RANBP2: variants seen among roughly 807,000 people sequenced by gnomAD.
RANBP2 encodes the protein RAN binding protein 2.
Under a neutral mutation model 303.6 loss-of-function variants are expected in RANBP2, and 57 were observed. The ratio of observed to expected loss-of-function variants is 0.19; its 90% confidence interval spans 0.15 to 0.23. The LOEUF (loss-of-function observed/expected upper bound fraction) is 0.23. RANBP2 is among the 10% of genes least tolerant of loss of function. The pLI is 1.00. For missense variants in RANBP2, 3,138 were observed against 3,780.8 expected, an observed-to-expected ratio of 0.83 and a Z score of 4.46; for synonymous variants, 1,167 against 1,301.5, an observed-to-expected ratio of 0.90 and a Z score of 2.23.
At chr2:109,273,150 G>A in the RANBP2 span, among the ~76,000 whole-genome samples, 2 of 152,198 alleles carry the variant, frequency 1.3e-5, no homozygotes, top group Admixed American at 1.3e-4. Flanking sequence ...TTTAAAATCC[G>A]CTGTACAGGA....
the RANBP2 span, among the ~76,000 whole-genome samples, chr2:109,645,465 C>A: frequency 6.6e-6 from 1 of 152,202 alleles, no homozygotes; most frequent in African/African-American, 2.4e-5. Context: ...GTAAGCGAAA[C>A]TACGCCTTAC....
chr2:109,410,249 C>T, the RANBP2 span, among the ~76,000 whole-genome samples: 11 of 152,202 alleles, frequency 7.2e-5, no homozygotes, highest in Non-Finnish European at 1.0e-4. Context: ...AACACATCGC[C>T]GTCACAGATG....
chr2:109,417,127 T>A, the RANBP2 span, among the ~76,000 whole-genome samples: 1 of 152,160 alleles, frequency 6.6e-6, no homozygotes, highest in Non-Finnish European at 1.5e-5. Flanking sequence ...GCCCACACAT[T>A]TCTTCAGTGG....
the RANBP2 span, among the ~76,000 whole-genome samples, chr2:109,562,132 G>A: frequency 2.0e-5 from 3 of 151,992 alleles, no homozygotes; most frequent in African/African-American, 7.3e-5. Context: ...AGAATCGCTT[G>A]AACCCAGGAG....
At chr2:108,950,176 G>A in the RANBP2 span, among the ~76,000 whole-genome samples, 3 of 152,052 alleles carry the variant, frequency 2.0e-5, no homozygotes, top group East Asian at 1.9e-4. Flanking sequence ...AAGATGTCAT[G>A]TCTTTTTTCT....
the RANBP2 span, among the ~76,000 whole-genome samples, chr2:109,293,447 G>A: frequency 1.3e-5 from 2 of 152,192 alleles, no homozygotes; most frequent in East Asian, 1.9e-4. Flanking sequence ...CTACCCCAGT[G>A]GTGACCGGGC....
At chr2:109,472,446 A>G in the RANBP2 span, among the ~76,000 whole-genome samples, 1 of 152,088 alleles carries the variant, frequency 6.6e-6, no homozygotes, top group Admixed American at 6.5e-5. Flanking sequence ...GGGCTTCCCG[A>G]CGGGGCTTCC....
At chr2:109,036,307 G>A in the RANBP2 span, among the ~76,000 whole-genome samples, 1 of 152,146 alleles carries the variant, frequency 6.6e-6, no homozygotes, top group African/African-American at 2.4e-5. Flanking sequence ...ATCTCAGAAA[G>A]TAAAAGAAAG....
chr2:109,263,784 G>A, the RANBP2 span, among the ~76,000 whole-genome samples: 1 of 152,172 alleles, frequency 6.6e-6, no homozygotes, highest in African/African-American at 2.4e-5. Context: ...GGCTAACACT[G>A]TGAAATGCCG....
At chr2:109,266,251 G>A in the RANBP2 span, among the ~76,000 whole-genome samples, 3 of 150,692 alleles carry the variant, frequency 2.0e-5, no homozygotes, top group Non-Finnish European at 4.4e-5. Context: ...TGTGTGTGCT[G>A]TGTGTGTTGT....
At chr2:108,734,936 G>A (rs1434049662) in intron 4 of RANBP2, among the ~76,000 whole-genome samples, 3 of 152,086 alleles carry the variant, frequency 2.0e-5, no homozygotes, top group Non-Finnish European at 2.9e-5. Context: ...GCATGCCTGT[G>A]GTCCTAGCTT....
the RANBP2 span, chr2:108,884,807 G>A: frequency 2.0e-5 from 3 of 152,204 alleles, no homozygotes; most frequent in Non-Finnish European, 4.4e-5. Context: ...GCAGCTGTGA[G>A]TCCAGGCTTG....
chr2:109,727,367 A>G, the RANBP2 span, among the ~76,000 whole-genome samples: 3 of 152,168 alleles, frequency 2.0e-5, no homozygotes, highest in Non-Finnish European at 2.9e-5. Context: ...TATCTTTCCT[A>G]TTTTTCAGAT....
chr2:108,878,677 T>C, the RANBP2 span, among the ~76,000 whole-genome samples: 1 of 152,274 alleles, frequency 6.6e-6, no homozygotes, highest in South Asian at 2.1e-4. Context: ...TTTTAAATAA[T>C]GGGAAAAGCA....
At chr2:108,811,247 C>CTTTTTTTTTTTTT in the RANBP2 span, among the ~76,000 whole-genome samples, 1,048 of 113,682 alleles carry the variant, frequency 9.2e-3, 44 homozygotes, top group African/African-American at 0.039. Context: ...TTCTCTCTCT[C>CTTTTTTTTTTTTT]TTTTTTTTTT....
chr2:109,431,175 G>A, the RANBP2 span, among the ~76,000 whole-genome samples: 1 of 152,302 alleles, frequency 6.6e-6, no homozygotes, highest in East Asian at 1.9e-4. Context: ...CAATGGTGGG[G>A]TCTATGAGCT....
At chr2:109,085,884 T>A in the RANBP2 span, among the ~76,000 whole-genome samples, 2 of 151,240 alleles carry the variant, frequency 1.3e-5, no homozygotes, top group Admixed American at 1.3e-4. Context: ...GGATTACAGG[T>A]GTGAGCCACC....
the RANBP2 span, among the ~76,000 whole-genome samples, chr2:109,713,079 C>T: frequency 6.6e-6 from 1 of 152,172 alleles, no homozygotes; most frequent in East Asian, 1.9e-4. Context: ...CTTCAGCAGC[C>T]TTCCTCCACC....
the RANBP2 span, among the ~76,000 whole-genome samples, chr2:109,622,966 A>G: frequency 1.1e-4 from 17 of 152,140 alleles, no homozygotes; most frequent in Non-Finnish European, 1.5e-5. Flanking sequence ...GTGTCTACTA[A>G]AACTACACAA....
Sources: gnomAD v4.1 joint callset for allele counts (sites outside exome capture counted in the v4.1 genomes callset) on GRCh38, gnomAD v4.1.1 for gene constraint, MANE v1.5 for transcripts, NCBI Gene and HGNC (gene_info 2026-07-23, HGNC 2026-07-21) for gene names.